TUT7: variants seen among roughly 807,000 people sequenced by gnomAD.
TUT7 encodes terminal uridylyltransferase 7.
TUT7 carries 33 observed loss-of-function variants against 165.9 expected under a neutral mutation model. That is an observed-to-expected ratio of 0.20 (90% CI 0.15 to 0.27). TUT7 has a LOEUF of 0.27. TUT7 is among the 10% of genes least tolerant of loss of function. The pLI is 1.00. For missense variants in TUT7, 1,338 were observed against 1,762.3 expected (o/e 0.76, Z 4.31); for synonymous variants, 552 against 608.1 (o/e 0.91, Z 1.36).
chr9:86,291,839 TA>T (rs1825924792), intron 26 of TUT7, among the ~76,000 whole-genome samples: 1 of 152,188 alleles, frequency 6.6e-6, no homozygotes, highest in African/African-American at 2.4e-5. Flanking sequence ...ATTTGACTTG[TA>T]GACACACAAA....
intron 26 of TUT7, among the ~76,000 whole-genome samples, chr9:86,296,553 A>G (rs528381116): frequency 1.3e-5 from 2 of 152,334 alleles, no homozygotes; most frequent in East Asian, 1.9e-4. Flanking sequence ...GGATGGGGGT[A>G]GGTATCAGGA....
Position 86,309,248 on chromosome 9 carries a change from G to T in TUT7, c.3624C>A (p.Gly1208=). ...GEKKPEIFVD[G]WNIYFFDQID... is the part of the protein sequence containing the mutation. ...TTTGATCAAAAAAATAAATATTCCA[G>T]CCATCAACAAATATTTCAGGTTTCT... Residue 1208 remains glycine (G), a synonymous_variant, in exon 21 of 27, where the codon GGC becomes GGA. Coordinates refer to ENST00000375963, the MANE Select transcript of TUT7 (RefSeq NM_024617.4). The T allele has an allele frequency of 1.3e-6, 2 of 1,574,832 alleles. No individual in the cohort carries two copies. The highest frequency in any genetic ancestry group is 1.7e-6 in the Non-Finnish European group (2 of 1,147,396).
chr9:86,300,812 C>T (rs747935335), intron 26 of TUT7, among the ~76,000 whole-genome samples: 5 of 152,242 alleles, frequency 3.3e-5, no homozygotes, highest in Admixed American at 2.6e-4. Flanking sequence ...CCACTGCTAA[C>T]TATGCAGCCT....
intron 25 of TUT7, among the ~76,000 whole-genome samples, chr9:86,302,371 A>G (rs1257920150): frequency 2.6e-5 from 4 of 152,218 alleles, no homozygotes; most frequent in Non-Finnish European, 5.9e-5. Flanking sequence ...CTGTTTGTGA[A>G]TATATATCCC....
At position 86,345,062 on chromosome 9, in the gene TUT7, C is replaced by T; in HGVS notation, c.912G>A (p.Gln304=). ...AGTTCTCATTGTGTAAGCCAAATTC[C>T]TGTACCACTTTGTCAATGGCAATGC... ...AVGIAIDKVV[Q]EFGLHNENLE... The change falls in exon 5 of 27, where the codon CAG becomes CAA. Residue 304 remains glutamine (Q), a synonymous_variant. Coordinates refer to ENST00000375963, the MANE Select transcript of TUT7 (RefSeq NM_024617.4). The T allele has an allele frequency of 6.2e-7, 1 of 1,613,796 alleles. No homozygotes were observed. The highest frequency in any genetic ancestry group is 8.5e-7 in the Non-Finnish European group (1 of 1,179,856).
At chr9:86,318,632 C>G (rs375285853) in intron 16 of TUT7, among the ~76,000 whole-genome samples, 1 of 152,214 alleles carries the variant, frequency 6.6e-6, no homozygotes, top group Non-Finnish European at 1.5e-5. Flanking sequence ...ACAAACTTTA[C>G]AGGTAACCTT....
At chr9:86,350,412 C>T (rs1314368867) in intron 2 of TUT7, among the ~76,000 whole-genome samples, 1 of 152,176 alleles carries the variant, frequency 6.6e-6, no homozygotes, top group African/African-American at 2.4e-5. Context: ...ATTAAATACC[C>T]ACATCCCACC....
chr9:86,305,310 G>A, intron 22 of TUT7, 71 bp from the exon 23 acceptor site: 1 of 1,031,426 alleles, frequency 9.7e-7, no homozygotes, highest in Non-Finnish European at 1.4e-6. Flanking sequence ...AATAAGTAAA[G>A]TTCATAAAAC....
In TUT7 at chr9:86,345,653, G is replaced by A. The variant is rs374266058; in HGVS notation, c.819+16C>T. 25 of 1,566,108 alleles carry A rather than the reference G, an allele frequency of 1.6e-5. No homozygotes were observed. The highest frequency in any genetic ancestry group is 1.1e-5 in the Non-Finnish European group (12 of 1,138,302). The stretch of plus-strand genomic sequence containing the variant: ...CTAACAAGTAAGCAGACTTGTTTGG[G>A]TTACATTCAATTTACCTTAATGTTT... On this transcript the variant is annotated intron_variant, in intron 4 of 26. Transcript: ENST00000375963.
In TUT7 at chr9:86,346,291, G is replaced by C; in HGVS notation, c.702+8C>G. ...TCTAACCAACAAATATATATATAAG[G>C]ATGTTACCCTTTTTAGCCTGTCAAT... On this transcript the variant is annotated splice_region_variant and intron_variant, in intron 3 of 26. Coordinates refer to ENST00000375963, the MANE Select transcript of TUT7 (RefSeq NM_024617.4). 6.2e-7 allele frequency: 1 copy of C among 1,610,714 alleles called. No individual in the cohort carries two copies. Among genetic ancestry groups the C allele is most frequent in the Non-Finnish European group, 8.5e-7 (1 of 1,178,682 alleles).
chr9:86,327,776 C>T (rs2131471533), intron 11 of TUT7, among the ~76,000 whole-genome samples: 1 of 152,260 alleles, frequency 6.6e-6, no homozygotes, highest in Admixed American at 6.5e-5. Context: ...GATTCGATTC[C>T]AAGAATTTTG....
At position 86,319,654 on chromosome 9, in the gene TUT7, T is replaced by C; in HGVS notation, c.3045A>G (p.Thr1015=). 6.2e-7 allele frequency: 1 copy of C among 1,607,456 alleles called. No individual in the cohort carries two copies. Among genetic ancestry groups the C allele is most frequent in the South Asian group, 1.1e-5 (1 of 88,978 alleles). Residue 1015 remains threonine (T), a synonymous_variant, in exon 15 of 27, where the codon ACA becomes ACG. Transcript: ENST00000375963. ...GTTCACGAGCCTGATCTTCTATAAT[T>C]GTTGGAGAAAAATCCTCTGTTTAAA... The part of the protein sequence containing the change: ...CIQCYKDFSP[T]IIEDQAREHI...
chr9:86,350,607 T>C (rs1832194591), intron 2 of TUT7, among the ~76,000 whole-genome samples: 1 of 152,222 alleles, frequency 6.6e-6, no homozygotes, highest in Non-Finnish European at 1.5e-5. Context: ...TTTACCGCGC[T>C]GCATAAACAG....
At chr9:86,342,181 G>T (rs923997077) in intron 6 of TUT7, among the ~76,000 whole-genome samples, 3 of 151,884 alleles carry the variant, frequency 2.0e-5, no homozygotes, top group African/African-American at 4.8e-5. Flanking sequence ...GATTTTTTTT[G>T]AGAGAGGTGG....
intron 26 of TUT7, among the ~76,000 whole-genome samples, chr9:86,294,087 T>C (rs1826102059): frequency 1.3e-5 from 2 of 152,160 alleles, no homozygotes; most frequent in Admixed American, 1.3e-4. Flanking sequence ...GCTCTTCAAC[T>C]TCCATGTGTA....
At chr9:86,324,011 A>G (rs1327023229) in intron 12 of TUT7, 51 bp from the exon 13 acceptor site, 11 of 1,347,006 alleles carry the variant, frequency 8.2e-6, no homozygotes, top group African/African-American at 3.0e-5. Flanking sequence ...ATATGTTACT[A>G]TATTTCATGT....
chr9:86,304,569 C>T (rs1365020934), intron 24 of TUT7, among the ~76,000 whole-genome samples: 1 of 151,902 alleles, frequency 6.6e-6, no homozygotes, highest in African/African-American at 2.4e-5. Flanking sequence ...AACAGCAATG[C>T]ACCTATGAAG....
At position 86,288,146 on chromosome 9, in the gene TUT7, TG is replaced by T. The variant is rs1825666716; in HGVS notation, c.*530del. 6.6e-6 allele frequency: 1 copy of T among 152,296 alleles called. No individual in the cohort carries two copies. Among genetic ancestry groups the T allele is most frequent in the Non-Finnish European group, 1.5e-5 (1 of 68,094 alleles). The allele number at this position is 152,296 out of a possible 1,614,324, so 9.4% of individuals were successfully genotyped here. A position where few individuals can be genotyped will look rare whatever the true frequency, so the allele number is the denominator to read the frequency against. On this transcript the variant is annotated 3_prime_UTR_variant, in exon 27 of 27. Transcript: ENST00000375963. ...GAAGGCCCACATAAATAGGTACTCA[TG>T]TTCATGTTATCACGTCTACAAATAG...
At chr9:86,332,666 TA>T (rs1830428581) in intron 10 of TUT7, among the ~76,000 whole-genome samples, 1 of 152,158 alleles carries the variant, frequency 6.6e-6, no homozygotes, top group Non-Finnish European at 1.5e-5. Context: ...ACCTATATAA[TA>T]AGCCTGCACA....
Sources: gnomAD v4.1 joint callset for allele counts (sites outside exome capture counted in the v4.1 genomes callset) on GRCh38, gnomAD v4.1.1 for gene constraint, MANE v1.5 for transcripts, NCBI Gene and HGNC (gene_info 2026-07-23, HGNC 2026-07-21) for gene names.